The following TMEM63C variants were observed in gnomAD, a reference collection of about 807,000 sequenced individuals.
TMEM63C encodes the protein transmembrane protein 63C.
In TMEM63C, 32 loss-of-function variants were observed where a neutral mutation model predicts 99.2. The ratio of observed to expected loss-of-function variants is 0.32; its 90% CI spans 0.24 to 0.43. The LOEUF (loss-of-function observed/expected upper bound fraction) is 0.43. TMEM63C is among the 20% of genes least tolerant of loss of function. The pLI, the probability that TMEM63C is intolerant of heterozygous loss-of-function variation, is 1.00. For missense variants in TMEM63C, 826 were observed against 1,053.0 expected (o/e 0.78, Z 2.98); for synonymous variants, 376 against 397.9 (o/e 0.94, Z 0.66).
At chr14:77,225,604 T>C in intron 6 of TMEM63C, 143 bp downstream of exon 6, 2 of 760,872 alleles carry the variant, frequency 2.6e-6, no homozygotes, top group Non-Finnish European at 4.1e-6. Flanking sequence ...CCATTACCAG[T>C]GAAGGATGCT....
chr14:77,239,531 G>C (rs1391536256), intron 11 of TMEM63C, 39 bp downstream of exon 11: 1 of 1,612,398 alleles, frequency 6.2e-7, no homozygotes, highest in African/African-American at 1.3e-5. Flanking sequence ...CCGGGGTGGG[G>C]GTAAAAGGGG....
At position 77,249,397 on chromosome 14, in the gene TMEM63C, G is replaced by C. The variant is rs769854944; in HGVS notation, c.1977G>C (p.Gln659His). The change falls in exon 21 of 24, where the codon CAG becomes CAC. Residue 659 changes from glutamine to histidine, a missense_variant. Coordinates refer to ENST00000298351, the MANE Select transcript of TMEM63C (RefSeq NM_020431.4). Reference protein sequence around the residue: ...NEQIHMAAVSQAIFAPLLGLF... With the variant: ...NEQIHMAAVSHAIFAPLLGLF... ...AGATCCACATGGCTGCCGTCTCCCA[G>C]GCCATCTTTGCGCCACTCTTGGGTC... 1 of 1,614,042 alleles carries C rather than the reference G, an allele frequency of 6.2e-7. No homozygotes were observed. The highest frequency in any genetic ancestry group is 1.1e-5 in the South Asian group (1 of 91,086).
intron 16 of TMEM63C, 130 bp from the exon 17 acceptor site, chr14:77,245,810 C>T (rs1889260729): frequency 2.8e-6 from 2 of 704,026 alleles, no homozygotes; most frequent in Non-Finnish European, 5.2e-6. Context: ...ATGAGAGCTA[C>T]AAGATGAGAT....
At chr14:77,191,538 C>CTTTTTTTTTTTTTTTTTTTTTTTTTTTTT (rs71125542) in intron 1 of TMEM63C, among the ~76,000 whole-genome samples, 16 of 82,608 alleles carry the variant, frequency 1.9e-4, no homozygotes, top group African/African-American at 3.0e-4. Context: ...TTTTCTTTTT[C>CTTTTTTTTTTTTTTTTTTTTTTTTTTTTT]TTTTTTTTTT....
rs78475238 is a variant in TMEM63C, at chr14:77,207,875, T to A, written c.-76-5571T>A. ...CTCTATCAGCCTTTCCTTTTTTCAG[T>A]GTACTTCTGTCTTGAGCCTAGCAGC... On this transcript the variant is annotated intron_variant, in intron 1 of 23. Transcript: ENST00000298351. 2.9e-3 allele frequency among the ~76,000 whole-genome samples: 439 copies of A among 152,310 alleles called. 5 individuals carry two copies. Among genetic ancestry groups the A allele is most frequent in the African/African-American group, 9.9e-3 (413 of 41,560 alleles).
chr14:77,192,749 A>T (rs11621596), intron 1 of TMEM63C, among the ~76,000 whole-genome samples: 14,480 of 151,920 alleles, frequency 0.095, 1,024 homozygotes, highest in African/African-American at 0.21. Context: ...TGGGCAACAG[A>T]GTGAGACCCT....
chr14:77,233,381 G>A (rs886747036), intron 7 of TMEM63C, 71 bp from the exon 8 acceptor site: 2 of 1,525,558 alleles, frequency 1.3e-6, no homozygotes, highest in East Asian at 4.6e-5. Context: ...ATTTGTCCAG[G>A]AACCTTGAAT....
At chr14:77,212,821 A>G (rs1436674011) in intron 1 of TMEM63C, among the ~76,000 whole-genome samples, 1 of 152,122 alleles carries the variant, frequency 6.6e-6, no homozygotes, top group Non-Finnish European at 1.5e-5. Context: ...CACCTGACCA[A>G]CCTGCTGGAT....
Position 77,256,507 on chromosome 14 carries a change from C to T in TMEM63C, c.2221-19C>T. 3 of 1,613,646 alleles carry T rather than the reference C, an allele frequency of 1.9e-6. No homozygotes were observed. Among genetic ancestry groups the T allele is most frequent in the Non-Finnish European group, 2.5e-6 (3 of 1,179,756 alleles). The stretch of plus-strand genomic sequence containing the variant: ...CCCAACGTGACCTTGCTCCTGTCCC[C>T]TGTCTCTATCCCAAGCAGCTGTATG... On this transcript the variant is annotated intron_variant, in intron 23 of 23. Transcript: ENST00000298351.
chr14:77,233,857 C>T (rs575858528), intron 8 of TMEM63C, among the ~76,000 whole-genome samples: 1 of 152,290 alleles, frequency 6.6e-6, no homozygotes, highest in African/African-American at 2.4e-5. Context: ...AGGTTCCAGT[C>T]AGCCGTCATA....
At chr14:77,256,503 T>TC in intron 23 of TMEM63C, 23 bp from the exon 24 acceptor site, 1 of 1,613,228 alleles carries the variant, frequency 6.2e-7, no homozygotes, top group African/African-American at 1.3e-5. Flanking sequence ...CTTGCTCCTG[T>TC]CCCCTGTCTC....
At chr14:77,246,799 C>T in intron 18 of TMEM63C, 125 bp downstream of exon 18, 1 of 735,512 alleles carries the variant, frequency 1.4e-6, no homozygotes, top group Non-Finnish European at 2.2e-6. Flanking sequence ...TGTGAACACC[C>T]TCACTGGGCA....
rs758029187 is a variant in TMEM63C, at chr14:77,248,371, C to T, written c.1626C>T (p.Gly542=). The T allele has an allele frequency of 1.9e-5, 31 of 1,611,364 alleles. No individual in the cohort carries two copies. Among genetic ancestry groups the T allele is most frequent in the Admixed American group, 6.7e-5 (4 of 59,698 alleles). Reference sequence around the variant, plus strand: ...GGTGTGTGTTCCTGCCAGACAACGGCGCCTTCTTTGTCAACTACGTGATCA... The same window carrying T: ...GGTGTGTGTTCCTGCCAGACAACGGTGCCTTCTTTGTCAACTACGTGATCA... The part of the protein sequence containing the change: ...RFQCVFLPDN[G]AFFVNYVITA... The change falls in exon 19 of 24, where the codon GGC becomes GGT. Residue 542 remains glycine (G), a synonymous_variant. Transcript: ENST00000298351.
chr14:77,224,188 T>C (rs919160668), intron 5 of TMEM63C, among the ~76,000 whole-genome samples: 7 of 151,982 alleles, frequency 4.6e-5, no homozygotes, highest in African/African-American at 1.2e-4. Flanking sequence ...GTGGGACTTA[T>C]GCCGAGGGGA....
chr14:77,229,531 TCAAC>T (rs1391752317), intron 6 of TMEM63C, among the ~76,000 whole-genome samples: 1 of 151,046 alleles, frequency 6.6e-6, no homozygotes, highest in Non-Finnish European at 1.5e-5. Context: ...CACTGTAGCC[TCAAC>T]CTCCCAGGCT....
chr14:77,247,485 G>A (rs1889286007), intron 18 of TMEM63C, among the ~76,000 whole-genome samples: 1 of 152,086 alleles, frequency 6.6e-6, no homozygotes. Flanking sequence ...ACAGGCTTGA[G>A]CCACCACACC....
chr14:77,249,364 G>T lies in TMEM63C; in HGVS notation c.1944G>T (p.Leu648=), dbSNP rs1472034565. The change falls in exon 21 of 24, where the codon CTG becomes CTT. Residue 648 remains leucine (L), a synonymous_variant. Coordinates refer to ENST00000298351, the MANE Select transcript of TMEM63C (RefSeq NM_020431.4). The part of the protein sequence containing the change: ...NMYYSFAPTK[L]NEQIHMAAVS... ...ACTACTCCTTTGCACCCACCAAACT[G>T]AACGAGCAGATCCACATGGCTGCCG... 1.8e-5 allele frequency: 29 copies of T among 1,613,892 alleles called. No individual in the cohort carries two copies. Among genetic ancestry groups the T allele is most frequent in the Non-Finnish European group, 2.4e-5 (28 of 1,179,900 alleles).
intron 6 of TMEM63C, among the ~76,000 whole-genome samples, chr14:77,226,574 G>A (rs79674264): frequency 0.21 from 31,942 of 152,054 alleles, 4,017 homozygotes; most frequent in Middle Eastern, 0.34. Flanking sequence ...GGCATTGGAG[G>A]ACAGGAAGAG....
intron 18 of TMEM63C, 62 bp downstream of exon 18, chr14:77,246,736 C>G: frequency 2.9e-6 from 4 of 1,398,620 alleles, no homozygotes; most frequent in Admixed American, 1.8e-5. Context: ...GTTATATGTG[C>G]TCTTCCCTGA....
Sources: gnomAD v4.1 joint callset for allele counts (sites outside exome capture counted in the v4.1 genomes callset) on GRCh38, gnomAD v4.1.1 for gene constraint, MANE v1.5 for transcripts, NCBI Gene and HGNC (gene_info 2026-07-23, HGNC 2026-07-21) for gene names.